Variants in COX10 observed in about 807,000 individuals in gnomAD.
COX10 encodes cytochrome c oxidase assembly factor heme A:farnesyltransferase COX10.
In COX10, 27 loss-of-function variants were observed where a neutral mutation model predicts 37.3. The observed-to-expected ratio is 0.72, with a 90% CI of 0.53 to 1.00. The LOEUF is 1.00. COX10 is among the 50% of genes least tolerant of loss of function. COX10 has a pLI of 0.00. For synonymous variants in COX10, 222 were observed against 229.1 expected (o/e 0.97, Z 0.28); for missense variants, 475 against 563.2 (o/e 0.84, Z 1.59).
intron 4 of COX10, among the ~76,000 whole-genome samples, chr17:14,143,881 T>C (rs1220465955): frequency 6.6e-6 from 1 of 152,134 alleles, no homozygotes; most frequent in Non-Finnish European, 1.5e-5. Flanking sequence ...TGCTGATGAT[T>C]AAGCCAACAG....
At chr17:14,192,531 A>T (rs1046287404) in intron 6 of COX10, among the ~76,000 whole-genome samples, 1 of 152,246 alleles carries the variant, frequency 6.6e-6, no homozygotes. Context: ...GAAAATCACA[A>T]ACGAAGCTAG....
At chr17:14,099,446 A>G (rs1429508442) in intron 3 of COX10, among the ~76,000 whole-genome samples, 1 of 152,072 alleles carries the variant, frequency 6.6e-6, no homozygotes, top group Non-Finnish European at 1.5e-5. Flanking sequence ...ATAAGACTAG[A>G]TTGAAGAACA....
chr17:14,163,641 A>G (rs1905216191), intron 5 of COX10, among the ~76,000 whole-genome samples: 1 of 152,228 alleles, frequency 6.6e-6, no homozygotes, highest in Non-Finnish European at 1.5e-5. Context: ...TTGAAAATGA[A>G]TGTGAATGTA....
intron 3 of COX10, among the ~76,000 whole-genome samples, chr17:14,085,007 A>G (rs564417457): frequency 6.6e-6 from 1 of 152,058 alleles, no homozygotes; most frequent in Non-Finnish European, 1.5e-5. Context: ...ATCTGTTCAT[A>G]GTCTGTGTTT....
intron 6 of COX10, among the ~76,000 whole-genome samples, chr17:14,193,837 T>C (rs1433464105): frequency 2.8e-4 from 42 of 149,900 alleles, no homozygotes; most frequent in African/African-American, 9.7e-4. Context: ...CCTCAAACCT[T>C]TATAGTGATT....
At chr17:14,150,746 T>A (rs1904871247) in intron 4 of COX10, among the ~76,000 whole-genome samples, 1 of 152,192 alleles carries the variant, frequency 6.6e-6, no homozygotes, top group Non-Finnish European at 1.5e-5. Context: ...GGTACTGGAT[T>A]CTTTAGCATT....
Position 14,102,160 on chromosome 17 carries a change from C to G in COX10, c.542C>G (p.Pro181Arg), listed in dbSNP as rs746378369. ...STTAAGFALA[P>R]GPFDWPCFLL... ...ACTGCAGCTGGATTTGCATTGGCTC[C>G]GGGCCCTTTTGACTGGCCCTGTTTC... The change falls in exon 4 of 7, where the codon CCG becomes CGG. Residue 181 changes from proline to arginine, a missense_variant. Pro to Arg is a moderately radical substitution (Grantham distance 103, BLOSUM62 -2). Around this residue, in one of 5 missense-constraint regions of COX10, gnomAD observed 242 missense variants for 242.5 expected, o/e 1.00. Coordinates refer to ENST00000261643, the MANE Select transcript of COX10 (RefSeq NM_001303.4). 3.1e-6 allele frequency: 5 copies of G among 1,613,600 alleles called. No individual in the cohort carries two copies. Among genetic ancestry groups the G allele is most frequent in the Admixed American group, 3.3e-5 (2 of 59,964 alleles).
Position 14,207,252 on chromosome 17 carries a change from C to T in COX10, c.*39C>T, listed in dbSNP as rs1322588618. On this transcript the variant is annotated 3_prime_UTR_variant, in exon 7 of 7. Coordinates refer to ENST00000261643, the MANE Select transcript of COX10 (RefSeq NM_001303.4). The stretch of plus-strand genomic sequence containing the variant: ...CCCACCGCCCCTTTCCCTCCGCTGC[C>T]AGGCGAGCATGTTGTGGTAATTCTG... 6.6e-7 allele frequency: 1 copy of T among 1,524,406 alleles called. No individual in the cohort carries two copies. The highest frequency in any genetic ancestry group is 1.4e-5 in the African/African-American group (1 of 73,010). The allele number at this position is 1,524,406 out of a possible 1,614,324, so 94.4% of individuals were successfully genotyped here. A position where few individuals can be genotyped will look rare whatever the true frequency, so the allele number is the denominator to read the frequency against.
intron 3 of COX10, among the ~76,000 whole-genome samples, chr17:14,100,711 G>A (rs1196841903): frequency 6.6e-6 from 1 of 152,198 alleles, no homozygotes; most frequent in Non-Finnish European, 1.5e-5. Context: ...ATCAGGTATA[G>A]CATCAAAGAA....
chr17:14,106,206 G>C (rs188569424), intron 4 of COX10, among the ~76,000 whole-genome samples: 1,776 of 151,980 alleles, frequency 0.012, 17 homozygotes, highest in South Asian at 0.021. Context: ...TAGTTGAGAC[G>C]TGGTTTCACC....
chr17:14,186,899 T>C (rs1013078453), intron 5 of COX10, among the ~76,000 whole-genome samples: 1 of 152,116 alleles, frequency 6.6e-6, no homozygotes, highest in African/African-American at 2.4e-5. Context: ...AGGTCCTGTT[T>C]CCAAGTTATT....
chr17:14,069,715 G>A lies in COX10; in HGVS notation c.43+67G>A. ...CTCTTATTACCACGTGCGAGGCCGT[G>A]GTTCCGGCTGGCTGCAACCTTGGGG... On this transcript the variant is annotated intron_variant, in intron 1 of 6. Transcript: ENST00000261643. 1.9e-6 allele frequency: 3 copies of A among 1,601,284 alleles called. No individual in the cohort carries two copies. The South Asian group carries it at 3.3e-5, about 18-fold the overall frequency.
At chr17:14,098,840 G>A (rs1396641411) in intron 3 of COX10, among the ~76,000 whole-genome samples, 2 of 152,058 alleles carry the variant, frequency 1.3e-5, no homozygotes, top group African/African-American at 4.8e-5. Flanking sequence ...ACCTTTGATT[G>A]CTGCCCTCTG....
intron 4 of COX10, among the ~76,000 whole-genome samples, chr17:14,125,633 A>G (rs936009819): frequency 2.0e-5 from 3 of 152,146 alleles, no homozygotes; most frequent in Non-Finnish European, 4.4e-5. Context: ...GTGTGTATTC[A>G]TCTTTATTGT....
chr17:14,104,153 C>G (rs1915842610), intron 4 of COX10, among the ~76,000 whole-genome samples: 1 of 151,962 alleles, frequency 6.6e-6, no homozygotes, highest in Admixed American at 6.6e-5. Flanking sequence ...CTTTTTGTAC[C>G]CCTCATATTG....
At chr17:14,186,950 G>A (rs1229495802) in intron 5 of COX10, among the ~76,000 whole-genome samples, 1 of 151,326 alleles carries the variant, frequency 6.6e-6, no homozygotes, top group Non-Finnish European at 1.5e-5. Context: ...CTAAAATGAG[G>A]TAACGCTATC....
chr17:14,175,164 T>C (rs146162042), intron 5 of COX10, among the ~76,000 whole-genome samples: 2,294 of 122,166 alleles, frequency 0.019, 30 homozygotes, highest in African/African-American at 0.035. Flanking sequence ...TTATATGTTC[T>C]ATATCTTGAT....
chr17:14,113,114 A>T (rs192409749), intron 4 of COX10, among the ~76,000 whole-genome samples: 1 of 152,278 alleles, frequency 6.6e-6, no homozygotes, highest in East Asian at 1.9e-4. Context: ...GAACTACAGG[A>T]TCTTCTAGAT....
At chr17:14,178,848 G>A (rs1567608851) in intron 5 of COX10, among the ~76,000 whole-genome samples, 3 of 152,144 alleles carry the variant, frequency 2.0e-5, no homozygotes, top group Middle Eastern at 3.4e-3. Context: ...GCTTGGGCCT[G>A]ATAGTTCCAT....
Sources: gnomAD v4.1 joint callset for allele counts (sites outside exome capture counted in the v4.1 genomes callset) on GRCh38, gnomAD v4.1.1 for gene constraint, gnomAD v4.1.1 regional missense constraint, MANE v1.5 for transcripts, NCBI Gene and HGNC (gene_info 2026-07-23, HGNC 2026-07-21) for gene names.